Variants in CDON observed in about 807,000 individuals in gnomAD.
CDON encodes cell adhesion molecule-related/down-regulated by oncogenes.
A neutral mutation model predicts 120.9 loss-of-function variants in CDON; 73 were observed. That is an observed-to-expected ratio of 0.60 (90% CI 0.50 to 0.73). The LOEUF (loss-of-function observed/expected upper bound fraction) is 0.73, where lower values mean the gene tolerates loss of function less well. Among genes scored for constraint, CDON ranks in the 30% least tolerant of loss-of-function variants. CDON has a pLI of 0.00. For missense variants in CDON, 1,470 were observed against 1,587.3 expected (o/e 0.93, Z 1.26); for synonymous variants, 566 against 573.5 (o/e 0.99, Z 0.19).
chr11:126,028,730 T>G (rs1269241969), intron 1 of CDON, among the ~76,000 whole-genome samples: 1 of 151,250 alleles, frequency 6.6e-6, no homozygotes, highest in Non-Finnish European at 1.5e-5. Flanking sequence ...ATTTATTTAT[T>G]TATTTATTTA....
intron 18 of CDON, among the ~76,000 whole-genome samples, chr11:125,971,958 A>G (rs146188312): frequency 1.3e-5 from 2 of 152,338 alleles, no homozygotes; most frequent in African/African-American, 4.8e-5. Flanking sequence ...AGAGAAGAGA[A>G]GGGTAGAAAG....
At chr11:125,961,447 C>A (rs1189930946) in intron 19 of CDON, among the ~76,000 whole-genome samples, 1 of 152,174 alleles carries the variant, frequency 6.6e-6, no homozygotes, top group African/African-American at 2.4e-5. Flanking sequence ...TCTTCTGCTA[C>A]CCTACGAATG....
intron 14 of CDON, among the ~76,000 whole-genome samples, chr11:125,993,624 G>C (rs1222183894): frequency 6.6e-6 from 1 of 152,094 alleles, no homozygotes; most frequent in Non-Finnish European, 1.5e-5. Context: ...CTAGGTAAAG[G>C]CAACAGGAAC....
intron 1 of CDON, among the ~76,000 whole-genome samples, chr11:126,055,228 G>A (rs1380064999): frequency 6.6e-6 from 1 of 152,166 alleles, no homozygotes; most frequent in South Asian, 2.1e-4. Flanking sequence ...CTCACATGCT[G>A]AATCTCCTCT....
rs754853589 is a variant in CDON at position 126,021,441 on chromosome 11, A to C, written c.156T>G (p.Ala52=). Residue 52 remains alanine (A), a synonymous_variant, in exon 3 of 20, where the codon GCT becomes GCG. Coordinates refer to ENST00000531738, the MANE Select transcript of CDON (RefSeq NM_001378964.1). The stretch of plus-strand genomic sequence containing the variant: ...ATGAGATACGAGTGGTCACAGGTTG[A>C]GCAGAACAATGCAGTACTACAGGTC... ...LGGPVVLHCS[A]QPVTTRISWL... 1.2e-6 allele frequency: 2 copies of C among 1,614,134 alleles called. No individual in the cohort carries two copies. Among genetic ancestry groups the C allele is most frequent in the Admixed American group, 1.7e-5 (1 of 60,026 alleles).
chr11:125,987,904 C>A (rs1255001821), intron 15 of CDON, among the ~76,000 whole-genome samples: 1 of 152,184 alleles, frequency 6.6e-6, no homozygotes, highest in Non-Finnish European at 1.5e-5. Flanking sequence ...CAGAAACACA[C>A]ATGGTTTAGA....
At chr11:126,051,537 GA>G (rs1565557161) in intron 1 of CDON, among the ~76,000 whole-genome samples, 1 of 152,022 alleles carries the variant, frequency 6.6e-6, no homozygotes, top group African/African-American at 2.4e-5. Flanking sequence ...ATATTGATAT[GA>G]AATCTCTGCA....
rs1948839004 is a variant in CDON at position 126,062,837 on chromosome 11, C to A, written c.-320G>T. On this transcript the variant is annotated 5_prime_UTR_variant, in exon 1 of 20. Transcript: ENST00000531738. ...TAGCCGCGCGAGCCGGGCTCCCGGG[C>A]TCAGGGGAGGGGAGCTGAGGGGCGG... 6.6e-6 allele frequency: 1 copy of A among 151,700 alleles called. No homozygotes were observed. Among genetic ancestry groups the A allele is most frequent in the Non-Finnish European group, 1.5e-5 (1 of 67,870 alleles). The allele number at this position is 151,700 out of a possible 1,614,324, so 9.4% of individuals were successfully genotyped here.
At chr11:126,045,312 C>T (rs1175191154) in intron 1 of CDON, among the ~76,000 whole-genome samples, 1 of 152,128 alleles carries the variant, frequency 6.6e-6, no homozygotes, top group African/African-American at 2.4e-5. Flanking sequence ...AGGCGTGAGC[C>T]AGCACGCCCG....
At chr11:126,026,300 T>C (rs1408835446) in intron 1 of CDON, among the ~76,000 whole-genome samples, 1 of 152,256 alleles carries the variant, frequency 6.6e-6, no homozygotes, top group Non-Finnish European at 1.5e-5. Context: ...GGCACTATGC[T>C]AGACTAGGCT....
intron 1 of CDON, among the ~76,000 whole-genome samples, chr11:126,040,890 T>C (rs1160731342): frequency 8.0e-6 from 1 of 124,434 alleles, no homozygotes; most frequent in Non-Finnish European, 1.6e-5. Flanking sequence ...GGTGCAGCGC[T>C]ACAGTAAAAA....
chr11:126,009,465 G>A (rs1947229935), intron 8 of CDON, among the ~76,000 whole-genome samples: 1 of 152,134 alleles, frequency 6.6e-6, no homozygotes, highest in African/African-American at 2.4e-5. Flanking sequence ...AAATGCTGGA[G>A]CCCCAGACCT....
intron 1 of CDON, among the ~76,000 whole-genome samples, chr11:126,041,710 A>G (rs1287613544): frequency 6.6e-6 from 1 of 152,248 alleles, no homozygotes; most frequent in Non-Finnish European, 1.5e-5. Context: ...CATCAGGTCA[A>G]TCTATCCCGC....
Position 126,019,705 on chromosome 11 carries a change from C to G in CDON, c.410G>C (p.Gly137Ala), listed in dbSNP as rs751089434. 1.9e-6 allele frequency: 3 copies of G among 1,613,924 alleles called. No individual in the cohort carries two copies. The highest frequency in any genetic ancestry group is 2.2e-5 in the South Asian group (2 of 91,080). Residue 137 changes from glycine to alanine, a missense_variant, in exon 4 of 20, where the codon GGT becomes GCT. Physicochemically the swap from Gly to Ala is moderately conservative, Grantham distance 60. Transcript: ENST00000531738. ...CTCCGGTACCCTGCAGCCAATGAAACCAGCACTTTTTTCTTCTGCTGTAAT... is the reference window on the plus strand; with the variant it reads ...CTCCGGTACCCTGCAGCCAATGAAAGCAGCACTTTTTTCTTCTGCTGTAAT... Reference protein sequence around the residue: ...HVITAEEKSAGFIGCRVPESN... With the variant: ...HVITAEEKSAAFIGCRVPESN...
intron 18 of CDON, 94 bp downstream of exon 18, chr11:125,978,210 G>A (rs570473532): frequency 1.2e-5 from 9 of 772,380 alleles, no homozygotes; most frequent in Non-Finnish European, 1.8e-5. Flanking sequence ...TATATCCTAG[G>A]TAAAATTCCA....
Position 126,015,333 on chromosome 11 carries a change from C to T in CDON, c.1106G>A (p.Gly369Glu), listed in dbSNP as rs781612618. The T allele has an allele frequency of 3.1e-6, 5 of 1,614,060 alleles. No homozygotes were observed. The highest frequency in any genetic ancestry group is 4.2e-6 in the Non-Finnish European group (5 of 1,179,998). Reference protein sequence around the residue: ...LTAGNGLKISGVTVEDVGMYQ... With the variant: ...LTAGNGLKISEVTVEDVGMYQ... ...CATCCCAACATCTTCCACAGTAACC[C>T]CACTGATTTTCAGTCCGTTTCCTGC... Residue 369 changes from glycine to glutamate, a missense_variant, in exon 7 of 20, where the codon GGG (glycine) becomes GAG (glutamate). Gly to Glu is a moderately conservative substitution (Grantham distance 98). Transcript: ENST00000531738.
At chr11:126,032,311 G>C (rs1476859355) in intron 1 of CDON, among the ~76,000 whole-genome samples, 1 of 151,944 alleles carries the variant, frequency 6.6e-6, no homozygotes, top group African/African-American at 2.4e-5. Flanking sequence ...GTAGAGGAAG[G>C]GAGGAAGAGA....
chr11:125,993,912 T>A (rs781059408), intron 14 of CDON, among the ~76,000 whole-genome samples: 6 of 152,268 alleles, frequency 3.9e-5, no homozygotes, highest in Non-Finnish European at 8.8e-5. Context: ...TAAGACATCA[T>A]CTTTCTAGGA....
intron 1 of CDON, among the ~76,000 whole-genome samples, chr11:126,037,244 G>A (rs2134800722): frequency 6.6e-6 from 1 of 152,138 alleles, no homozygotes; most frequent in African/African-American, 2.4e-5. Context: ...TGGACCACAG[G>A]TGTGCACCAC....
Sources: allele counts gnomAD v4.1 joint callset (sites outside exome capture counted in the v4.1 genomes callset), GRCh38; gene constraint gnomAD v4.1.1; transcripts MANE v1.5; gene names NCBI Gene and HGNC (gene_info 2026-07-23, HGNC 2026-07-21).